TMEM19: variants seen among roughly 807,000 people sequenced by gnomAD.
The protein encoded by TMEM19 is transmembrane protein 19.
A neutral mutation model predicts 33.6 loss-of-function variants in TMEM19; 21 were observed. That is an observed-to-expected ratio of 0.62 (90% CI 0.44 to 0.90). The LOEUF is 0.90. Ranked by LOEUF, TMEM19 falls within the 40% of genes least tolerant of loss-of-function variation. The probability of loss-of-function intolerance (pLI) is 0.00; values close to 1 mark genes in which losing one functional copy is unlikely to be tolerated. For synonymous variants in TMEM19, 149 were observed against 147.5 expected (o/e 1.01, Z -0.07); for missense variants, 402 against 401.8 (o/e 1.00, Z 0.00).
In TMEM19 at chr12:71,701,205, T is replaced by C. The variant is rs1274407501; in HGVS notation, c.*210T>C. 25 of 432,650 alleles carry C rather than the reference T, an allele frequency of 5.8e-5. No individual in the cohort carries two copies. The highest frequency in any genetic ancestry group is 3.2e-4 in the Admixed American group (8 of 24,738). 26.8% of individuals were successfully genotyped at this position (432,650 alleles called of 1,614,324 possible). A position where few individuals can be genotyped will look rare whatever the true frequency, so the allele number is the denominator to read the frequency against. ...GAAAGAGAAGAATTCCTAGAACTTA[T>C]GCATTTTTTTCCTGCTGAATGGAAG... On this transcript the variant is annotated 3_prime_UTR_variant, in exon 6 of 6. Transcript: ENST00000266673.
In TMEM19 at chr12:71,701,642, A is replaced by AATC. The variant is rs1009978227; in HGVS notation, c.*650_*652dup. The AATC allele has an allele frequency of 2.4e-4, 37 of 152,394 alleles. No individual in the cohort carries two copies. Among genetic ancestry groups the AATC allele is most frequent in the African/African-American group, 8.9e-4 (37 of 41,592 alleles). The allele number at this position is 152,394 out of a possible 1,614,324, so 9.4% of individuals were successfully genotyped here. A position where few individuals can be genotyped will look rare whatever the true frequency, so the allele number is the denominator to read the frequency against. ...TATGTCCATTAGAATGTATGAAAAA[A>AATC]ATCATTTTAACTAAAAGCAAAAGAA... On this transcript the variant is annotated 3_prime_UTR_variant, in exon 6 of 6. Coordinates refer to ENST00000266673, the MANE Select transcript of TMEM19 (RefSeq NM_018279.4).
At chr12:71,699,849 CA>C (rs984748792) in intron 5 of TMEM19, 4 of 149,932 alleles carry the variant, frequency 2.7e-5, no homozygotes, top group Non-Finnish European at 3.0e-5. Flanking sequence ...GACTCCATCT[CA>C]AAAAAAAAGA....
intron 2 of TMEM19, among the ~76,000 whole-genome samples, chr12:71,693,457 A>G (rs904205443): frequency 6.6e-6 from 1 of 152,172 alleles, no homozygotes; most frequent in Non-Finnish European, 1.5e-5. Context: ...ATTATCCTAG[A>G]GTATGACTGC....
Position 71,697,531 on chromosome 12 carries a change from G to A in TMEM19, c.634G>A (p.Val212Ile). The A allele has an allele frequency of 1.3e-6, 2 of 1,570,378 alleles. No individual in the cohort carries two copies. Among genetic ancestry groups the A allele is most frequent in the South Asian group, 2.5e-5 (2 of 80,738 alleles). ...RLITTWEKVP[V>I]GTNGGVTVVG... ...GATAACAACCTGGGAGAAAGTTCCA[G>A]TTGGTGAGTTTTTTCTTCTTTTTGA... The change falls in exon 4 of 6, where the codon GTT becomes ATT. Residue 212 changes from valine (V) to isoleucine (I), a missense_variant. Coordinates refer to ENST00000266673, the MANE Select transcript of TMEM19 (RefSeq NM_018279.4).
intron 5 of TMEM19, among the ~76,000 whole-genome samples, chr12:71,700,539 C>T (rs536517811): frequency 6.6e-6 from 1 of 152,204 alleles, no homozygotes; most frequent in East Asian, 1.9e-4. Flanking sequence ...GAAGCAATTC[C>T]AGAGGTATTG....
At chr12:71,688,706 C>T (rs892509827) in intron 1 of TMEM19, among the ~76,000 whole-genome samples, 2 of 152,134 alleles carry the variant, frequency 1.3e-5, no homozygotes, top group African/African-American at 4.8e-5. Context: ...GTCAATTCTG[C>T]CATGTTGGCC....
Position 71,701,228 on chromosome 12 carries a change from AAGTCT to A in TMEM19, c.*234_*238del. The A allele has an allele frequency of 2.6e-6, 1 of 381,528 alleles. No homozygotes were observed. Among genetic ancestry groups the A allele is most frequent in the Non-Finnish European group, 4.7e-6 (1 of 214,350 alleles). The allele number at this position is 381,528 out of a possible 1,614,324, so 23.6% of individuals were successfully genotyped here. ...TATGCATTTTTTTCCTGCTGAATGG[AAGTCT>A]TGAGCAATGAAGCTATATTGTCCCT... On this transcript the variant is annotated 3_prime_UTR_variant, in exon 6 of 6. Coordinates refer to ENST00000266673, the MANE Select transcript of TMEM19 (RefSeq NM_018279.4).
chr12:71,698,028 G>A (rs577528561), intron 4 of TMEM19, among the ~76,000 whole-genome samples: 171 of 152,304 alleles, frequency 1.1e-3, no homozygotes, highest in Non-Finnish European at 2.2e-3. Context: ...ACGATTTTCA[G>A]ATTCGGGATG....
At position 71,686,826 on chromosome 12, in the gene TMEM19, C is replaced by G; in HGVS notation, c.130+16C>G. The stretch of plus-strand genomic sequence containing the variant: ...ACCTATTATGGTAAGTCTGAGTGTT[C>G]TAAGTTGTTTCTCTGTAATCTAGTC... On this transcript the variant is annotated intron_variant, in intron 1 of 5. Transcript: ENST00000266673. The G allele has an allele frequency of 2.5e-6, 4 of 1,586,994 alleles. No individual in the cohort carries two copies. Among genetic ancestry groups the G allele is most frequent in the African/African-American group, 1.4e-5 (1 of 73,668 alleles).
chr12:71,700,102 TC>T (rs1471159383), intron 5 of TMEM19, among the ~76,000 whole-genome samples: 3 of 152,126 alleles, frequency 2.0e-5, no homozygotes, highest in Non-Finnish European at 4.4e-5. Context: ...GTGCCCTTCC[TC>T]CCCCTCTCCA....
At chr12:71,697,936 ATCCAAAATGC>A (rs966883147) in intron 4 of TMEM19, among the ~76,000 whole-genome samples, 17 of 152,214 alleles carry the variant, frequency 1.1e-4, no homozygotes, top group Non-Finnish European at 2.1e-4. Flanking sequence ...AAAATCCAAA[ATCCAAAATGC>A]TCCAAAATCT....
rs1232097114 is a variant in TMEM19 at position 71,702,815 on chromosome 12, C to T, written c.*1820C>T. ...TTAGTCAGAATGTTGGACAATGAGG[C>T]CCATGCATGGGTATTTTTACAAAGC... On this transcript the variant is annotated 3_prime_UTR_variant, in exon 6 of 6. Coordinates refer to ENST00000266673, the MANE Select transcript of TMEM19 (RefSeq NM_018279.4). 1 of 152,122 alleles carries T rather than the reference C, an allele frequency of 6.6e-6. No individual in the cohort carries two copies. Among genetic ancestry groups the T allele is most frequent in the Non-Finnish European group, 1.5e-5 (1 of 68,046 alleles). The allele number at this position is 152,122 out of a possible 1,614,324, so 9.4% of individuals were successfully genotyped here.
chr12:71,687,606 A>T (rs1017677908), intron 1 of TMEM19, among the ~76,000 whole-genome samples: 1 of 152,192 alleles, frequency 6.6e-6, no homozygotes, highest in Non-Finnish European at 1.5e-5. Flanking sequence ...TGTTCTGTAA[A>T]AATAATAAGA....
At chr12:71,688,260 C>T (rs377259420) in intron 1 of TMEM19, among the ~76,000 whole-genome samples, 102 of 152,146 alleles carry the variant, frequency 6.7e-4, no homozygotes, top group African/African-American at 2.2e-3. Context: ...TTTTCTGAGA[C>T]GGAGTTTCGC....
Position 71,701,551 on chromosome 12 carries a change from G to A in TMEM19, c.*556G>A, listed in dbSNP as rs1012931120. ...GAGATTGGTTCCTAGTGAGTTTTGT[G>A]GCCTACTCCACATTTGTTCTTCCTT... On this transcript the variant is annotated 3_prime_UTR_variant, in exon 6 of 6. Coordinates refer to ENST00000266673, the MANE Select transcript of TMEM19 (RefSeq NM_018279.4). 1 of 152,030 alleles carries A rather than the reference G, an allele frequency of 6.6e-6. No homozygotes were observed. Among genetic ancestry groups the A allele is most frequent in the Non-Finnish European group, 1.5e-5 (1 of 68,000 alleles). The allele number at this position is 152,030 out of a possible 1,614,324, so 9.4% of individuals were successfully genotyped here. A position where few individuals can be genotyped will look rare whatever the true frequency, so the allele number is the denominator to read the frequency against.
At position 71,699,068 on chromosome 12, in the gene TMEM19, CA is replaced by C. The variant is rs1592622636; in HGVS notation, c.808del (p.Ile270LeufsTer6). On this transcript the variant is annotated frameshift_variant, in exon 5 of 6. Coordinates refer to ENST00000266673, the MANE Select transcript of TMEM19 (RefSeq NM_018279.4). LOFTEE classifies it high-confidence loss of function. ...AFGGLAGLLG[S>X]IVDSYLGATM... ...GGTGGTTTAGCTGGATTACTAGGATCAATTGTGGACTCATACTTAGGGGCTA... is the reference window on the plus strand; with the variant it reads ...GGTGGTTTAGCTGGATTACTAGGATCATTGTGGACTCATACTTAGGGGCTA... 3 of 1,614,124 alleles carry C rather than the reference CA, an allele frequency of 1.9e-6. No individual in the cohort carries two copies. In the East Asian group the frequency reaches 6.7e-5, roughly 36 times the overall value.
chr12:71,689,873 AGAAACTAAC>A (rs1881755688), intron 2 of TMEM19, among the ~76,000 whole-genome samples, 169 bp downstream of exon 2: 1 of 152,234 alleles, frequency 6.6e-6, no homozygotes, highest in African/African-American at 2.4e-5. Flanking sequence ...TCAAAATTTC[AGAAACTAAC>A]GTACACTTTT....
At position 71,696,549 on chromosome 12, in the gene TMEM19, C is replaced by T. The variant is rs767516246; in HGVS notation, c.358C>T (p.Arg120Cys). The change falls in exon 3 of 6, where the codon CGT (arginine) becomes TGT (cysteine). Residue 120 changes from arginine to cysteine, a missense_variant. Coordinates refer to ENST00000266673, the MANE Select transcript of TMEM19 (RefSeq NM_018279.4). ...TAAATGGAAGGGAGAAGTGAAGAAGCGTCTAGATTCAGAATATAAGGAAGG... is the reference window on the plus strand; with the variant it reads ...TAAATGGAAGGGAGAAGTGAAGAAGTGTCTAGATTCAGAATATAAGGAAGG... ...LTKWKGEVKKRLDSEYKEGGQ... is the reference protein window; with the variant it reads ...LTKWKGEVKKCLDSEYKEGGQ... The T allele has an allele frequency of 6.8e-6, 11 of 1,607,454 alleles. No individual in the cohort carries two copies. The highest frequency in any genetic ancestry group is 4.5e-5 in the East Asian group (2 of 44,766).
At chr12:71,693,277 G>A (rs896841291) in intron 2 of TMEM19, among the ~76,000 whole-genome samples, 2 of 151,942 alleles carry the variant, frequency 1.3e-5, no homozygotes, top group South Asian at 2.1e-4. Flanking sequence ...GCTTAGTGCA[G>A]CCTTGAATTC....
Sources: allele counts gnomAD v4.1 joint callset (sites outside exome capture counted in the v4.1 genomes callset), GRCh38; gene constraint gnomAD v4.1.1; transcripts MANE v1.5; gene names NCBI Gene and HGNC (gene_info 2026-07-23, HGNC 2026-07-21).